CNTNAP2: variants seen among roughly 807,000 people sequenced by gnomAD.
The protein encoded by CNTNAP2 is contactin-associated protein-like 2.
In CNTNAP2, 98 loss-of-function variants were observed where a neutral mutation model predicts 155.2. That is an observed-to-expected ratio of 0.63 (90% CI 0.54 to 0.75). CNTNAP2 has a LOEUF of 0.75. Among genes scored for constraint, CNTNAP2 ranks in the 30% least tolerant of loss-of-function variants. The probability of loss-of-function intolerance (pLI) is 0.00; values close to 1 mark genes in which losing one functional copy is unlikely to be tolerated. For missense variants in CNTNAP2, 1,727 were observed against 1,688.1 expected, an observed-to-expected ratio of 1.02 and a Z score of -0.40; for synonymous variants, 651 against 631.2, an observed-to-expected ratio of 1.03 and a Z score of -0.47.
intron 1 of CNTNAP2, among the ~76,000 whole-genome samples, chr7:146,128,023 A>T (rs887904243): frequency 2.6e-5 from 4 of 152,164 alleles, no homozygotes; most frequent in Non-Finnish European, 4.4e-5. Flanking sequence ...GCAACTTAGT[A>T]CACACTTCTG....
At chr7:147,093,253 A>G (rs949326988) in intron 4 of CNTNAP2, among the ~76,000 whole-genome samples, 1 of 149,594 alleles carries the variant, frequency 6.7e-6, no homozygotes, top group Non-Finnish European at 1.5e-5. Flanking sequence ...AAAAAAAAAA[A>G]AAAAAAGAAA....
At chr7:146,375,306 C>A (rs560296016) in intron 1 of CNTNAP2, among the ~76,000 whole-genome samples, 1 of 152,198 alleles carries the variant, frequency 6.6e-6, no homozygotes, top group Non-Finnish European at 1.5e-5. Context: ...AGTATGGACT[C>A]CAGCCAGAAT....
intron 1 of CNTNAP2, among the ~76,000 whole-genome samples, chr7:146,671,902 G>A (rs1206035750): frequency 2.6e-5 from 4 of 151,620 alleles, no homozygotes; most frequent in African/African-American, 7.3e-5. Flanking sequence ...TGCAACCTCC[G>A]CCGCCTGGGT....
intron 13 of CNTNAP2, among the ~76,000 whole-genome samples, chr7:147,722,778 A>G (rs1796584338): frequency 6.6e-6 from 1 of 152,048 alleles, no homozygotes. Context: ...TTAAACTGCA[A>G]CACCTGCTAC....
intron 9 of CNTNAP2, among the ~76,000 whole-genome samples, chr7:147,301,787 A>G (rs1794950855): frequency 6.6e-6 from 1 of 152,164 alleles, no homozygotes; most frequent in South Asian, 2.1e-4. Context: ...AAATTCTACA[A>G]ATTAAGCAAG....
intron 3 of CNTNAP2, among the ~76,000 whole-genome samples, chr7:146,847,721 T>C (rs1013136645): frequency 2.0e-5 from 3 of 152,200 alleles, no homozygotes; most frequent in Admixed American, 6.5e-5. Context: ...CAGCCTGGAA[T>C]GACAAATGAC....
At chr7:147,510,543 C>G (rs746369387) in intron 11 of CNTNAP2, among the ~76,000 whole-genome samples, 1 of 150,380 alleles carries the variant, frequency 6.6e-6, no homozygotes, top group Non-Finnish European at 1.5e-5. Context: ...TTACATTGAA[C>G]ATGTATTTGT....
At chr7:148,069,125 T>C (rs147189526) in intron 15 of CNTNAP2, among the ~76,000 whole-genome samples, 1 of 152,360 alleles carries the variant, frequency 6.6e-6, no homozygotes, top group East Asian at 1.9e-4. Context: ...GCCTGATCTC[T>C]ATGACTGTTT....
At chr7:146,621,239 G>A (rs1363121650) in intron 1 of CNTNAP2, among the ~76,000 whole-genome samples, 1 of 152,154 alleles carries the variant, frequency 6.6e-6, no homozygotes, top group Non-Finnish European at 1.5e-5. Flanking sequence ...AAGTTGGGGA[G>A]AGAATATAGA....
At chr7:147,400,025 A>T (rs1262568271) in intron 10 of CNTNAP2, among the ~76,000 whole-genome samples, 2 of 152,122 alleles carry the variant, frequency 1.3e-5, no homozygotes, top group Non-Finnish European at 2.9e-5. Flanking sequence ...TCTTTTACTC[A>T]TTTCTAGAAC....
chr7:148,354,087 A>G (rs888051733), intron 21 of CNTNAP2, among the ~76,000 whole-genome samples: 5 of 152,312 alleles, frequency 3.3e-5, no homozygotes, highest in Non-Finnish European at 5.9e-5. Flanking sequence ...AAGGTGTTAC[A>G]GCACATAACT....
At chr7:146,320,450 TAAG>T (rs907603225) in intron 1 of CNTNAP2, among the ~76,000 whole-genome samples, 1 of 152,154 alleles carries the variant, frequency 6.6e-6, no homozygotes, top group Non-Finnish European at 1.5e-5. Flanking sequence ...ATGTTATACA[TAAG>T]AAGAAGAAAA....
At chr7:148,107,625 AT>A (rs1446579357) in intron 15 of CNTNAP2, among the ~76,000 whole-genome samples, 4 of 152,088 alleles carry the variant, frequency 2.6e-5, no homozygotes, top group Admixed American at 6.6e-5. Context: ...TAAGGAAGTA[AT>A]TTTTTTCTCC....
At chr7:147,159,269 T>C (rs1320911349) in intron 8 of CNTNAP2, among the ~76,000 whole-genome samples, 1 of 152,122 alleles carries the variant, frequency 6.6e-6, no homozygotes, top group Non-Finnish European at 1.5e-5. Flanking sequence ...TAGAAGTATA[T>C]AGGTAAGAGA....
chr7:147,352,411 T>C (rs1795982850), intron 9 of CNTNAP2, among the ~76,000 whole-genome samples: 1 of 151,954 alleles, frequency 6.6e-6, no homozygotes, highest in Non-Finnish European at 1.5e-5. Flanking sequence ...TTAAGATAGT[T>C]TTTTCTACCT....
At chr7:147,937,409 T>G (rs1476891729) in intron 14 of CNTNAP2, among the ~76,000 whole-genome samples, 2 of 152,108 alleles carry the variant, frequency 1.3e-5, no homozygotes, top group Non-Finnish European at 2.9e-5. Flanking sequence ...CAATAGGCAC[T>G]CAGATCCCAG....
At chr7:146,751,782 C>T (rs1801908195) in intron 1 of CNTNAP2, among the ~76,000 whole-genome samples, 1 of 151,958 alleles carries the variant, frequency 6.6e-6, no homozygotes, top group Non-Finnish European at 1.5e-5. Flanking sequence ...TCCTTGCCCC[C>T]AACCCCCGAC....
chr7:146,450,636 A>C (rs1275572835), intron 1 of CNTNAP2, among the ~76,000 whole-genome samples: 1 of 152,188 alleles, frequency 6.6e-6, no homozygotes, highest in Non-Finnish European at 1.5e-5. Context: ...TACTGGTGAA[A>C]ACAAATCACC....
At chr7:147,688,542 T>C (rs558231414) in intron 13 of CNTNAP2, among the ~76,000 whole-genome samples, 1 of 152,274 alleles carries the variant, frequency 6.6e-6, no homozygotes, top group African/African-American at 2.4e-5. Flanking sequence ...CATTTTTGTG[T>C]GCTTCTTAGA....
Sources: gnomAD v4.1 joint callset for allele counts (sites outside exome capture counted in the v4.1 genomes callset) on GRCh38, gnomAD v4.1.1 for gene constraint, MANE v1.5 for transcripts, NCBI Gene and HGNC (gene_info 2026-07-23, HGNC 2026-07-21) for gene names.